The following CCAR1 variants were observed in gnomAD, a reference collection of about 807,000 sequenced individuals.
The protein encoded by CCAR1 is cell division cycle and apoptosis regulator protein 1.
A neutral mutation model predicts 163.8 loss-of-function variants in CCAR1; 78 were observed. That is an observed-to-expected ratio of 0.48 (90% CI 0.40 to 0.57). CCAR1 has a LOEUF of 0.57. Among genes scored for constraint, CCAR1 ranks in the 20% least tolerant of loss-of-function variants. The probability of loss-of-function intolerance (pLI) is 0.00; values close to 1 mark genes in which losing one functional copy is unlikely to be tolerated. For synonymous variants in CCAR1, 443 were observed against 460.7 expected, an observed-to-expected ratio of 0.96 and a Z score of 0.49; for missense variants, 1,019 against 1,365.2, an observed-to-expected ratio of 0.75 and a Z score of 4.00.
intron 19 of CCAR1, among the ~76,000 whole-genome samples, chr10:68,782,337 G>GGCATTTAAGGCTGCAGT (rs1178264990): frequency 6.6e-6 from 1 of 151,982 alleles, no homozygotes; most frequent in Non-Finnish European, 1.5e-5. Flanking sequence ...CTTGAGCCCA[G>GGCATTTAAGGCTGCAGT]GCATTTAAGG....
intron 19 of CCAR1, among the ~76,000 whole-genome samples, chr10:68,774,704 T>G (rs1304453025): frequency 1.3e-5 from 2 of 152,038 alleles, no homozygotes; most frequent in African/African-American, 4.8e-5. Flanking sequence ...CATATAGAGT[T>G]TAAAGGCTAA....
In CCAR1 at chr10:68,785,943, TTTG is replaced by T. The variant is rs985566001; in HGVS notation, c.2651-181_2651-179del. On this transcript the variant is annotated intron_variant, in intron 19 of 24. Coordinates refer to ENST00000265872, the MANE Select transcript of CCAR1 (RefSeq NM_018237.4). Reference sequence around the variant, plus strand: ...TAGCATAAGGTTTTCTCTTTATGTTTTTGTTGTTGTTGTTTAAAAGACAGGGTC... The same window carrying T: ...TAGCATAAGGTTTTCTCTTTATGTTTTTGTTGTTGTTTAAAAGACAGGGTC... Among the ~76,000 whole-genome samples the T allele has an allele frequency of 4.5e-3, 687 of 152,262 alleles. 9 individuals are homozygous for T. Among genetic ancestry groups the T allele is most frequent in the African/African-American group, 0.016 (654 of 41,554 alleles).
chr10:68,737,707 T>C (rs2056130188), intron 3 of CCAR1, 138 bp from the exon 4 acceptor site: 3 of 426,004 alleles, frequency 7.0e-6, no homozygotes, highest in South Asian at 5.6e-5. Context: ...TTTGTTTTTT[T>C]CTTTGAATCA....
rs1382903871 is a variant in CCAR1, at chr10:68,791,509, G to C, written c.*243G>C. On this transcript the variant is annotated 3_prime_UTR_variant, in exon 25 of 25. Transcript: ENST00000265872. ...TTTGCATTGCAAAGTGTTTTAGGAT[G>C]AACTTTGTTATAGTTTTAACTCCAA... The C allele has an allele frequency of 3.4e-5, 9 of 267,266 alleles. No homozygotes were observed. Among genetic ancestry groups the C allele is most frequent in the Non-Finnish European group, 5.7e-5 (8 of 139,204 alleles). The allele number at this position is 267,266 out of a possible 1,614,324, so 16.6% of individuals were successfully genotyped here. A position where few individuals can be genotyped will look rare whatever the true frequency, so the allele number is the denominator to read the frequency against.
rs1425422770 is a variant in CCAR1, at chr10:68,742,438, T to C, written c.387T>C (p.Thr129=). 3 of 1,614,092 alleles carry C rather than the reference T, an allele frequency of 1.9e-6. No individual in the cohort carries two copies. The highest frequency in any genetic ancestry group is 2.7e-5 in the African/African-American group (2 of 74,942). ...CTCCTCAGCCAACAGCACAAATAAC[T>C]GTATCATATCCAACACCAAGGTCCA... ...LSTPQPTAQI[T]VSYPTPRSSQ... The change falls in exon 6 of 25, where the codon ACT becomes ACC. Residue 129 remains threonine (T), a synonymous_variant. Coordinates refer to ENST00000265872, the MANE Select transcript of CCAR1 (RefSeq NM_018237.4).
chr10:68,774,935 TG>T (rs2056645678), intron 19 of CCAR1: 16 of 384,900 alleles, frequency 4.2e-5, no homozygotes, highest in South Asian at 5.7e-5. Flanking sequence ...GAGTTCTTTT[TG>T]TTTTTTTTTT....
At position 68,771,406 on chromosome 10, in the gene CCAR1, C is replaced by T; in HGVS notation, c.2499C>T (p.Gly833=). The change falls in exon 18 of 25, where the codon GGC becomes GGT. Residue 833 remains glycine, a synonymous_variant. Transcript: ENST00000265872. ...CAAAACCCAAACGGAGAAAATCAGG[C>T]GATGATAAAGATAAAAAAGAAGATA... is the stretch of plus-strand genomic sequence containing the variant. ...DEPKPKRRKS[G]DDKDKKEDRD... 2.5e-6 allele frequency: 4 copies of T among 1,585,304 alleles called. No homozygotes were observed. Among genetic ancestry groups the T allele is most frequent in the Non-Finnish European group, 3.4e-6 (4 of 1,167,542 alleles).
chr10:68,753,924 T>C lies in CCAR1; in HGVS notation c.1191T>C (p.Ala397=). The C allele has an allele frequency of 6.2e-7, 1 of 1,614,108 alleles. No homozygotes were observed. The highest frequency in any genetic ancestry group is 1.1e-5 in the South Asian group (1 of 91,082). Residue 397 remains alanine, a synonymous_variant, in exon 11 of 25, where the codon GCT becomes GCC. Transcript: ENST00000265872. ...ATATACCTAGTGACTTTTTTGATGC[T>C]CAATTTACATGGGTGGATGCTTTCC... ...NLYIPSDFFD[A]QFTWVDAFPL...
In CCAR1 at chr10:68,726,440, T is replaced by C. The variant is rs565277722; in HGVS notation, c.73+3863T>C. ...TGCTGGGATTACAGGCGTGAGCCAC[T>C]GCGCCTGGCTCTTGACATGCTTAAA... On this transcript the variant is annotated intron_variant, in intron 2 of 24. Transcript: ENST00000265872. Among the ~76,000 whole-genome samples the C allele has an allele frequency of 5.9e-5, 9 of 152,146 alleles. No homozygotes were observed. In the South Asian group the frequency reaches 1.7e-3, roughly 28 times the overall value.
At chr10:68,766,177 C>A in intron 17 of CCAR1, 98 bp downstream of exon 17, 2 of 799,020 alleles carry the variant, frequency 2.5e-6, no homozygotes, top group Non-Finnish European at 3.8e-6. Flanking sequence ...TTGTTTTTCG[C>A]TTTTCGTGGT....
chr10:68,768,708 C>T (rs1015503031), intron 17 of CCAR1, among the ~76,000 whole-genome samples: 14 of 151,820 alleles, frequency 9.2e-5, no homozygotes, highest in African/African-American at 3.1e-4. Context: ...ATAGGCTGGG[C>T]ACAGTCCCTA....
chr10:68,723,935 G>A (rs1212889607), intron 2 of CCAR1, among the ~76,000 whole-genome samples: 2 of 151,776 alleles, frequency 1.3e-5, no homozygotes, highest in East Asian at 3.9e-4. Context: ...GAGGTGGGTG[G>A]ATCACCTGAA....
At chr10:68,776,535 C>G (rs1160470317) in intron 19 of CCAR1, among the ~76,000 whole-genome samples, 3 of 152,110 alleles carry the variant, frequency 2.0e-5, no homozygotes, top group Non-Finnish European at 4.4e-5. Flanking sequence ...CATTGCACTC[C>G]AGCCTGGGCA....
At position 68,740,612 on chromosome 10, in the gene CCAR1, T is replaced by C. The variant is rs773897840; in HGVS notation, c.292-17T>C. 1.2e-6 allele frequency: 2 copies of C among 1,607,558 alleles called. No individual in the cohort carries two copies. The highest frequency in any genetic ancestry group is 2.2e-5 in the South Asian group (2 of 90,574). On this transcript the variant is annotated splice_polypyrimidine_tract_variant and intron_variant, in intron 4 of 24. Coordinates refer to ENST00000265872, the MANE Select transcript of CCAR1 (RefSeq NM_018237.4). Reference sequence around the variant, plus strand: ...TGATTGACCCTTTTCTGTGTGTGTTTATTTTTCTGTTTTCAGTTACAGCAA... The same window carrying C: ...TGATTGACCCTTTTCTGTGTGTGTTCATTTTTCTGTTTTCAGTTACAGCAA...
intron 15 of CCAR1, among the ~76,000 whole-genome samples, chr10:68,760,443 T>C (rs2056454656): frequency 6.6e-6 from 1 of 152,198 alleles, no homozygotes; most frequent in Non-Finnish European, 1.5e-5. Flanking sequence ...TTAGAACTTC[T>C]GGGTCAAAGA....
chr10:68,746,389 C>G, intron 6 of CCAR1, among the ~76,000 whole-genome samples: 1 of 151,932 alleles, frequency 6.6e-6, no homozygotes, highest in South Asian at 2.1e-4. Flanking sequence ...CGATTCGCAC[C>G]CGGCTAATTT....
At chr10:68,782,117 A>G (rs185229967) in intron 19 of CCAR1, among the ~76,000 whole-genome samples, 2 of 152,322 alleles carry the variant, frequency 1.3e-5, no homozygotes, top group Non-Finnish European at 2.9e-5. Flanking sequence ...AGGGGTCAGA[A>G]TAGAAGGTCA....
At chr10:68,776,255 C>CTT (rs557201705) in intron 19 of CCAR1, among the ~76,000 whole-genome samples, 10 of 139,274 alleles carry the variant, frequency 7.2e-5, no homozygotes, top group African/African-American at 1.7e-4. Flanking sequence ...CTTTTCTTTT[C>CTT]TTTTTTTTTT....
intron 15 of CCAR1, among the ~76,000 whole-genome samples, chr10:68,758,503 A>AGTGTGTGTGTGT (rs71028777): frequency 2.8e-4 from 35 of 124,610 alleles, no homozygotes; most frequent in African/African-American, 9.8e-4. Flanking sequence ...CATCCTGGGC[A>AGTGTGTGTGTGT]GTGTGTGTGT....
Sources: allele counts gnomAD v4.1 joint callset (sites outside exome capture counted in the v4.1 genomes callset), GRCh38; gene constraint gnomAD v4.1.1; transcripts MANE v1.5; gene names NCBI Gene and HGNC (gene_info 2026-07-23, HGNC 2026-07-21).